PRKG1: variants seen among roughly 807,000 people sequenced by gnomAD.
The protein encoded by PRKG1 is protein kinase cGMP-dependent 1, also known as cGMP-dependent protein kinase 1.
Under a neutral mutation model 88.1 loss-of-function variants are expected in PRKG1, and 35 were observed. That is an observed-to-expected ratio of 0.40 (90% CI 0.30 to 0.53). The LOEUF (loss-of-function observed/expected upper bound fraction) is 0.53, where lower values mean the gene tolerates loss of function less well. Ranked by LOEUF, PRKG1 falls within the 20% of genes least tolerant of loss-of-function variation. The probability of loss-of-function intolerance (pLI) is 0.59; values close to 1 mark genes in which losing one functional copy is unlikely to be tolerated. For missense variants in PRKG1, 540 were observed against 839.8 expected (o/e 0.64, Z 4.41); for synonymous variants, 303 against 292.5 (o/e 1.04, Z -0.37).
intron 8 of PRKG1, among the ~76,000 whole-genome samples, chr10:52,155,146 G>A (rs573674373): frequency 1.3e-5 from 2 of 151,454 alleles, no homozygotes; most frequent in East Asian, 3.9e-4. Flanking sequence ...TTTCCTTTGG[G>A]TAGATATACA....
rs1481435755 is a variant in PRKG1, at chr10:51,673,580, T to C, written c.593-131005T>C. On this transcript the variant is annotated intron_variant, in intron 3 of 17. Transcript: ENST00000373980. ...CTAAGTGATAAAATCTGAGGAATGA[T>C]GTGATATGACTTACAGTTCTCTGGA... Among the ~76,000 whole-genome samples the C allele has an allele frequency of 3.3e-5, 5 of 151,944 alleles. No homozygotes were observed. In the East Asian group the frequency reaches 9.6e-4, roughly 29 times the overall value.
At position 51,728,449 on chromosome 10, in the gene PRKG1, C is replaced by CTTTTTTTTTT. The variant is rs201683049; in HGVS notation, c.593-76133_593-76132insTTTTTTTTTT. ...AAACAATAGCAAAATTCCATTTTTTCTTTGTTTTTTTTTTTTTTTTTTTTT... is the reference window on the plus strand; with the variant it reads ...AAACAATAGCAAAATTCCATTTTTTCTTTTTTTTTTTTTGTTTTTTTTTTTTTTTTTTTTT... On this transcript the variant is annotated intron_variant, in intron 3 of 17. Coordinates refer to ENST00000373980, the MANE Select transcript of PRKG1 (RefSeq NM_006258.4). 2.1e-3 allele frequency among the ~76,000 whole-genome samples: 122 copies of CTTTTTTTTTT among 57,746 alleles called. 5 individuals carry two copies. The highest frequency in any genetic ancestry group is 0.031 in the Middle Eastern group (2 of 64). The allele number at this position is 57,746 out of a possible 152,430, so 37.9% of individuals were successfully genotyped here.
chr10:51,231,032 C>G (rs1418046936), intron 2 of PRKG1, among the ~76,000 whole-genome samples: 1 of 152,146 alleles, frequency 6.6e-6, no homozygotes, highest in Non-Finnish European at 1.5e-5. Flanking sequence ...GAATTCACCT[C>G]TGCATGTCCT....
At chr10:51,902,867 C>A (rs1842009154) in intron 4 of PRKG1, among the ~76,000 whole-genome samples, 1 of 152,110 alleles carries the variant, frequency 6.6e-6, no homozygotes, top group Admixed American at 6.5e-5. Context: ...AAAAGGCAAA[C>A]TCCAATTTAT....
Position 51,229,535 on chromosome 10 carries a change from G to A in PRKG1, c.478+76205G>A. Among the ~76,000 whole-genome samples, 2 of 152,140 alleles carry A rather than the reference G, an allele frequency of 1.3e-5. 1 individual carries two copies. Among genetic ancestry groups the A allele is most frequent in the Non-Finnish European group, 2.9e-5 (2 of 68,030 alleles). On this transcript the variant is annotated intron_variant, in intron 2 of 17. Transcript: ENST00000373980. ...TTAATTTCAGATCCTCACTCTACAAGTTTGCTTATGAGCTTTTGTGACCAC... is the reference window on the plus strand; with the variant it reads ...TTAATTTCAGATCCTCACTCTACAAATTTGCTTATGAGCTTTTGTGACCAC...
chr10:51,088,365 A>G (rs2131860337), intron 1 of PRKG1, among the ~76,000 whole-genome samples: 1 of 149,032 alleles, frequency 6.7e-6, no homozygotes, highest in East Asian at 2.0e-4. Flanking sequence ...CTGGCAGTTA[A>G]TAAAAATTTC....
chr10:52,201,101 T>TCCG (rs1839654494), intron 9 of PRKG1, among the ~76,000 whole-genome samples: 1 of 152,184 alleles, frequency 6.6e-6, no homozygotes, highest in Non-Finnish European at 1.5e-5. Context: ...CAATTACTTT[T>TCCG]GGTGCCTTCG....
At chr10:51,578,760 T>G (rs1321544439) in intron 3 of PRKG1, among the ~76,000 whole-genome samples, 1 of 152,140 alleles carries the variant, frequency 6.6e-6, no homozygotes, top group African/African-American at 2.4e-5. Context: ...ACCATGTTAC[T>G]CATGCTAGCT....
intron 5 of PRKG1, among the ~76,000 whole-genome samples, chr10:51,998,855 T>G (rs1349202500): frequency 3.9e-5 from 6 of 152,214 alleles, no homozygotes; most frequent in Admixed American, 1.3e-4. Flanking sequence ...TCAAAGTCAT[T>G]TTCCTGTGGC....
At chr10:52,043,488 C>A (rs1197970535) in intron 5 of PRKG1, among the ~76,000 whole-genome samples, 1 of 151,844 alleles carries the variant, frequency 6.6e-6, no homozygotes, top group African/African-American at 2.4e-5. Flanking sequence ...CATGATCTCA[C>A]TTATATGTGA....
intron 3 of PRKG1, among the ~76,000 whole-genome samples, chr10:51,725,902 G>C (rs1230704356): frequency 6.6e-6 from 1 of 152,146 alleles, no homozygotes; most frequent in African/African-American, 2.4e-5. Context: ...ACCTCCCAGA[G>C]TGCTGGGATT....
chr10:51,081,148 T>C (rs936747467), intron 1 of PRKG1, among the ~76,000 whole-genome samples: 4 of 152,186 alleles, frequency 2.6e-5, no homozygotes, highest in Admixed American at 2.0e-4. Flanking sequence ...GGAGACTCCA[T>C]ATCTTGTCTT....
intron 1 of PRKG1, among the ~76,000 whole-genome samples, chr10:51,110,782 G>A (rs183057989): frequency 2.4e-4 from 37 of 152,208 alleles, no homozygotes; most frequent in African/African-American, 8.9e-4. Flanking sequence ...GGGTTAAATA[G>A]AGAATGAACT....
chr10:51,188,869 G>A (rs1837562315), intron 2 of PRKG1, among the ~76,000 whole-genome samples: 1 of 151,860 alleles, frequency 6.6e-6, no homozygotes, highest in Non-Finnish European at 1.5e-5. Flanking sequence ...CAAAAGAACT[G>A]AAATGAAAAA....
intron 2 of PRKG1, among the ~76,000 whole-genome samples, chr10:51,160,618 A>C (rs934656551): frequency 2.0e-5 from 3 of 152,274 alleles, no homozygotes; most frequent in Admixed American, 6.5e-5. Flanking sequence ...TTTAAATTTT[A>C]CCTATCTGGT....
intron 2 of PRKG1, among the ~76,000 whole-genome samples, chr10:51,311,272 T>G (rs1841179933): frequency 6.6e-6 from 1 of 152,174 alleles, no homozygotes; most frequent in African/African-American, 2.4e-5. Context: ...TGTGCAAGTT[T>G]GATTGTCTGT....
chr10:51,498,782 C>T (rs1260110212), intron 3 of PRKG1, among the ~76,000 whole-genome samples: 3 of 152,056 alleles, frequency 2.0e-5, no homozygotes, highest in Admixed American at 6.6e-5. Context: ...CTTGGGTCTC[C>T]GTTCTCTGAA....
intron 3 of PRKG1, among the ~76,000 whole-genome samples, chr10:51,643,322 G>A (rs981070274): frequency 6.6e-6 from 1 of 152,062 alleles, no homozygotes; most frequent in Non-Finnish European, 1.5e-5. Context: ...ATGCCAAAAA[G>A]ACTTAGTCAC....
rs146080398 is a variant in PRKG1, at chr10:52,143,448, A to G, written c.1001+9543A>G. Reference sequence around the variant, plus strand: ...ATTCAAAAGCATGCCCTGAGCAAGCATTGCCAAATGTCTCCTGTGGGGTGA... The same window carrying G: ...ATTCAAAAGCATGCCCTGAGCAAGCGTTGCCAAATGTCTCCTGTGGGGTGA... On this transcript the variant is annotated intron_variant, in intron 8 of 17. Transcript: ENST00000373980. Among the ~76,000 whole-genome samples, 14 of 152,300 alleles carry G rather than the reference A, an allele frequency of 9.2e-5. No individual in the cohort carries two copies. The East Asian group carries it at 2.7e-3, about 29-fold the overall frequency.
Sources: gnomAD v4.1 joint callset for allele counts (sites outside exome capture counted in the v4.1 genomes callset) on GRCh38, gnomAD v4.1.1 for gene constraint, MANE v1.5 for transcripts, NCBI Gene and HGNC (gene_info 2026-07-23, HGNC 2026-07-21) for gene names.